CNMD: variants seen among roughly 807,000 people sequenced by gnomAD.
CNMD encodes leukocyte cell-derived chemotaxin 1.
Under a neutral mutation model 37.5 loss-of-function variants are expected in CNMD, and 30 were observed. The ratio of observed to expected loss-of-function variants is 0.80; its 90% CI spans 0.60 to 1.09. The LOEUF (loss-of-function observed/expected upper bound fraction) is 1.09, where lower values mean the gene tolerates loss of function less well. Ranked by LOEUF, CNMD falls within the 50% of genes least tolerant of loss-of-function variation. CNMD has a pLI of 0.00. For synonymous variants in CNMD, 167 were observed against 148.2 expected, an observed-to-expected ratio of 1.13 and a Z score of -0.92; for missense variants, 398 against 423.9, an observed-to-expected ratio of 0.94 and a Z score of 0.54.
At position 52,712,815 on chromosome 13, in the gene CNMD, C is replaced by T. The variant is rs7330220; in HGVS notation, c.523G>A (p.Val175Ile). ...YEENSLIWVA[V>I]DQPVKDNSFL... ...CTGTTGTCCTTCACAGGCTGATCTA[C>T]AGCCACCCAGATAAGAGAATTTTCT... Residue 175 changes from valine (V) to isoleucine (I), a missense_variant, in exon 5 of 7, where the codon GTA becomes ATA. Physicochemically the swap from Val to Ile is conservative, Grantham distance 29 (BLOSUM62 3). Transcript: ENST00000377962. 0.079 allele frequency: 125,598 copies of T among 1,592,288 alleles called. 5,569 individuals carry two copies. Among genetic ancestry groups the T allele is most frequent in the African/African-American group, 0.14 (10,492 of 74,446 alleles).
chr13:52,703,765 C>T lies in CNMD; in HGVS notation c.835G>A (p.Glu279Lys), dbSNP rs1156509353. 18 of 1,614,048 alleles carry T rather than the reference C, an allele frequency of 1.1e-5. No individual in the cohort carries two copies. The highest frequency in any genetic ancestry group is 1.4e-5 in the Non-Finnish European group (16 of 1,179,928). ...SMTFDPRLDH[E>K]GICCIECRRS... ...CTACATTCTATACAACAGATTCCTT[C>T]GTGATCCAGTCTAGGGTCGAATGTC... is the stretch of plus-strand genomic sequence containing the variant. Residue 279 changes from glutamate to lysine, a missense_variant, in exon 7 of 7, where the codon GAA becomes AAA. Transcript: ENST00000377962.
chr13:52,710,354 G>A (rs908667237), intron 5 of CNMD, among the ~76,000 whole-genome samples: 3 of 152,184 alleles, frequency 2.0e-5, no homozygotes, highest in South Asian at 4.1e-4. Context: ...AAACGGGAAC[G>A]AGTAGTTACC....
intron 4 of CNMD, among the ~76,000 whole-genome samples, chr13:52,721,343 G>A (rs1964478786): frequency 6.6e-6 from 1 of 152,174 alleles, no homozygotes; most frequent in South Asian, 2.1e-4. Context: ...GCCCCACTGG[G>A]GTATGAAGAA....
chr13:52,707,037 G>A (rs576649693), intron 6 of CNMD, among the ~76,000 whole-genome samples: 1 of 152,022 alleles, frequency 6.6e-6, no homozygotes, highest in Non-Finnish European at 1.5e-5. Context: ...GGGACTATAG[G>A]TGCACGTCAC....
chr13:52,717,988 G>A (rs1022915843), intron 4 of CNMD, among the ~76,000 whole-genome samples: 13 of 151,952 alleles, frequency 8.6e-5, no homozygotes, highest in South Asian at 2.1e-4. Flanking sequence ...TTTTTTGGTC[G>A]GTAGGCTATT....
At chr13:52,733,424 A>T in intron 2 of CNMD, 65 bp from the exon 3 acceptor site, 5 of 1,434,576 alleles carry the variant, frequency 3.5e-6, no homozygotes, top group Non-Finnish European at 4.9e-6. Context: ...TATCTTTAGA[A>T]GGGCAGTGTA....
intron 2 of CNMD, among the ~76,000 whole-genome samples, chr13:52,735,737 G>A (rs1964747190): frequency 6.6e-6 from 1 of 151,664 alleles, no homozygotes; most frequent in Admixed American, 6.6e-5. Context: ...TTTGTGTTGG[G>A]TTGTATTCAA....
At chr13:52,709,080 G>A (rs964161900) in intron 5 of CNMD, among the ~76,000 whole-genome samples, 2 of 152,122 alleles carry the variant, frequency 1.3e-5, no homozygotes, top group African/African-American at 4.8e-5. Context: ...TATCTGACCA[G>A]GGAGACATCA....
At chr13:52,709,493 T>A (rs916561262) in intron 5 of CNMD, among the ~76,000 whole-genome samples, 29 of 152,336 alleles carry the variant, frequency 1.9e-4, no homozygotes, top group South Asian at 1.4e-3. Flanking sequence ...TTATTCTTTT[T>A]AAAAATCCTA....
intron 3 of CNMD, among the ~76,000 whole-genome samples, chr13:52,727,708 AT>A (rs1964599142): frequency 6.6e-6 from 1 of 152,202 alleles, no homozygotes; most frequent in Non-Finnish European, 1.5e-5. Flanking sequence ...AGAAAGACAA[AT>A]GTCATATGTT....
intron 3 of CNMD, 105 bp downstream of exon 3, chr13:52,733,114 A>G (rs748470018): frequency 6.3e-6 from 7 of 1,108,602 alleles, no homozygotes; most frequent in Non-Finnish European, 9.7e-6. Context: ...GCTATAAAGA[A>G]CAGTTACCAT....
At chr13:52,735,099 G>A (rs1379857731) in intron 2 of CNMD, among the ~76,000 whole-genome samples, 4 of 152,146 alleles carry the variant, frequency 2.6e-5, no homozygotes, top group Non-Finnish European at 4.4e-5. Context: ...AACCACTCCT[G>A]GGGGTTCTGA....
intron 3 of CNMD, among the ~76,000 whole-genome samples, chr13:52,732,349 T>C (rs1321833905): frequency 6.6e-6 from 1 of 152,236 alleles, no homozygotes; most frequent in East Asian, 1.9e-4. Flanking sequence ...AAAATATTTA[T>C]GTTGGCCAAC....
rs547015936 is a variant in CNMD at position 52,733,129 on chromosome 13, A to T, written c.354+90T>A. The T allele has an allele frequency of 3.2e-6, 4 of 1,250,998 alleles. No individual in the cohort carries two copies. The South Asian group carries it at 4.8e-5, about 15-fold the overall frequency. The allele number at this position is 1,250,998 out of a possible 1,614,324, so 77.5% of individuals were successfully genotyped here. A position where few individuals can be genotyped will look rare whatever the true frequency, so the allele number is the denominator to read the frequency against. On this transcript the variant is annotated intron_variant, in intron 3 of 6. Transcript: ENST00000377962. ...GCTATAAAGAACAGTTACCATTTGG[A>T]TGTGTGTGAGAAACGCTGCTCCTCC... is the stretch of plus-strand genomic sequence containing the variant.
chr13:52,719,214 G>A (rs1365260931), intron 4 of CNMD, among the ~76,000 whole-genome samples: 1 of 152,138 alleles, frequency 6.6e-6, no homozygotes, highest in Non-Finnish European at 1.5e-5. Context: ...TTGAACCTAT[G>A]TGTGTCTTTG....
intron 5 of CNMD, among the ~76,000 whole-genome samples, chr13:52,711,163 T>G (rs914212100): frequency 6.6e-6 from 1 of 152,192 alleles, no homozygotes; most frequent in Admixed American, 6.5e-5. Flanking sequence ...TAGGCCCTCA[T>G]GAACGTCTGT....
At chr13:52,708,174 C>T (rs1483832316) in intron 6 of CNMD, among the ~76,000 whole-genome samples, 1 of 106,122 alleles carries the variant, frequency 9.4e-6, no homozygotes, top group African/African-American at 3.7e-5. Flanking sequence ...AGTACAAACA[C>T]CATTTCAACA....
chr13:52,727,630 A>G (rs1964597451), intron 3 of CNMD, among the ~76,000 whole-genome samples: 1 of 152,078 alleles, frequency 6.6e-6, no homozygotes, highest in Non-Finnish European at 1.5e-5. Flanking sequence ...AAAAGAATGA[A>G]ATCATGTCAT....
chr13:52,729,158 G>T lies in CNMD; in HGVS notation c.354+4061C>A, dbSNP rs146624575. Among the ~76,000 whole-genome samples, 451 of 152,172 alleles carry T rather than the reference G, an allele frequency of 3.0e-3. 3 individuals carry two copies. Among genetic ancestry groups the T allele is most frequent in the Admixed American group, 8.7e-3 (133 of 15,292 alleles). On this transcript the variant is annotated intron_variant, in intron 3 of 6. Coordinates refer to ENST00000377962, the MANE Select transcript of CNMD (RefSeq NM_007015.3). ...ATCTATTTCTATGGCTTAAACCAGAGGTTCCCAAGGATGGTAGGAGTTCGT... is the reference window on the plus strand; with the variant it reads ...ATCTATTTCTATGGCTTAAACCAGATGTTCCCAAGGATGGTAGGAGTTCGT...
Sources: gnomAD v4.1 joint callset for allele counts (sites outside exome capture counted in the v4.1 genomes callset) on GRCh38, gnomAD v4.1.1 for gene constraint, MANE v1.5 for transcripts, NCBI Gene and HGNC (gene_info 2026-07-23, HGNC 2026-07-21) for gene names.